PACS2: variants seen among roughly 807,000 people sequenced by gnomAD.
PACS2 encodes PACS1-like protein.
In PACS2, 36 loss-of-function variants were observed where a neutral mutation model predicts 113.0. That is an observed-to-expected ratio of 0.32 (90% CI 0.24 to 0.42). The LOEUF (loss-of-function observed/expected upper bound fraction) is 0.42, where lower values mean the gene tolerates loss of function less well. PACS2 is among the 10% of genes least tolerant of loss of function. The pLI, the probability that PACS2 is intolerant of heterozygous loss-of-function variation, is 1.00. For synonymous variants in PACS2, 589 were observed against 536.1 expected (o/e 1.10, Z -1.36); for missense variants, 1,015 against 1,239.5 (o/e 0.82, Z 2.72).
At chr14:105,394,256 T>C (rs2081469906) in intron 24 of PACS2, 1 of 985,296 alleles carries the variant, frequency 1.0e-6, no homozygotes, top group Non-Finnish European at 1.2e-6. Context: ...GAGCAGCGCC[T>C]GGCGGAAGGT....
chr14:105,313,096 G>A (rs147161847), upstream of PACS2, among the ~76,000 whole-genome samples: 437 of 152,272 alleles, frequency 2.9e-3, 3 homozygotes, highest in African/African-American at 0.01. Flanking sequence ...TGCTGTGCAC[G>A]GCTTAGTCAC....
chr14:105,334,418 C>T (rs587596815), intron 1 of PACS2, among the ~76,000 whole-genome samples: 1 of 152,338 alleles, frequency 6.6e-6, no homozygotes, highest in Non-Finnish European at 1.5e-5. Flanking sequence ...GGGCTTCACC[C>T]TCTTCCCTCT....
chr14:105,386,396 C>T (rs587593980), intron 19 of PACS2, among the ~76,000 whole-genome samples: 53 of 152,252 alleles, frequency 3.5e-4, no homozygotes, highest in African/African-American at 1.2e-3. Context: ...TGTGGCTTAC[C>T]TGGAGACGGG....
intron 4 of PACS2, among the ~76,000 whole-genome samples, chr14:105,361,763 A>G (rs2060691662): frequency 6.6e-6 from 1 of 152,114 alleles, no homozygotes; most frequent in Non-Finnish European, 1.5e-5. Context: ...CAGCCTGACC[A>G]ACATGGAGAA....
intron 1 of PACS2, among the ~76,000 whole-genome samples, chr14:105,320,958 G>C (rs2058863456): frequency 6.6e-6 from 1 of 152,138 alleles, no homozygotes; most frequent in Non-Finnish European, 1.5e-5. Context: ...TTCGAGACCA[G>C]CCTGGGCAAC....
chr14:105,337,372 A>G lies in PACS2; in HGVS notation c.120-11121A>G, dbSNP rs587668550. Among the ~76,000 whole-genome samples the G allele has an allele frequency of 4.9e-4, 74 of 152,368 alleles. 1 individual carries two copies. The highest frequency in any genetic ancestry group is 1.7e-3 in the African/African-American group (69 of 41,588). On this transcript the variant is annotated intron_variant, in intron 1 of 24. Coordinates refer to ENST00000447393, the MANE Select transcript of PACS2 (RefSeq NM_001100913.3). ...CGGGATGGATGGCGGTGAGGGCTGCACAACAGCATCCACGCACGTAGTGCC... is the reference window on the plus strand; with the variant it reads ...CGGGATGGATGGCGGTGAGGGCTGCGCAACAGCATCCACGCACGTAGTGCC...
upstream of PACS2, chr14:105,314,583 C>G (rs1402104509): frequency 1.4e-5 from 2 of 145,226 alleles, 1 homozygote; most frequent in African/African-American, 5.0e-5. Context: ...ACCTCACTTC[C>G]GGCGCGCGCT....
intron 1 of PACS2, among the ~76,000 whole-genome samples, chr14:105,332,107 C>T (rs917605072): frequency 1.3e-5 from 2 of 152,246 alleles, no homozygotes; most frequent in Non-Finnish European, 2.9e-5. Context: ...CTCCTTGGGA[C>T]TTACTGAATA....
Position 105,365,749 on chromosome 14 carries a change from T to C in PACS2, c.424-1464T>C, listed in dbSNP as rs1482399217. 1.3e-5 allele frequency among the ~76,000 whole-genome samples: 2 copies of C among 152,134 alleles called. No individual in the cohort carries two copies. The highest frequency in any genetic ancestry group is 6.5e-5 in the Admixed American group (1 of 15,278). On this transcript the variant is annotated intron_variant, in intron 4 of 24. Coordinates refer to ENST00000447393, the MANE Select transcript of PACS2 (RefSeq NM_001100913.3). The surrounding 1 kb of genome is among the most constrained non-coding windows in gnomAD (Gnocchi z 5.1). ...GGGCTCAGCATTTCTGACCGAGGGC[T>C]TCTGAGCTTCCAGGTTCTCACCCCT...
chr14:105,343,835 A>G (rs2059823433), intron 1 of PACS2, among the ~76,000 whole-genome samples: 1 of 151,840 alleles, frequency 6.6e-6, no homozygotes, highest in African/African-American at 2.4e-5. Context: ...AGCTGGGACT[A>G]CAGGCTTTTC....
At chr14:105,341,826 G>A (rs1462031695) in intron 1 of PACS2, among the ~76,000 whole-genome samples, 1 of 152,202 alleles carries the variant, frequency 6.6e-6, no homozygotes, top group Non-Finnish European at 1.5e-5. Flanking sequence ...GCCTGAGAGG[G>A]GCAGCCACGT....
rs1031552098 is a variant in PACS2 at position 105,324,169 on chromosome 14, A to G, written c.119+9132A>G. On this transcript the variant is annotated intron_variant, in intron 1 of 24. Coordinates refer to ENST00000447393, the MANE Select transcript of PACS2 (RefSeq NM_001100913.3). This position sits in a 1 kb window ranked among gnomAD's most constrained non-coding sequence, Gnocchi z 4.7. ...GCCCAGCATTCTCAGCATGCGTCTC[A>G]GGAAGGTTTGATGGAGTGGGCAGCT... 2.6e-5 allele frequency among the ~76,000 whole-genome samples: 4 copies of G among 152,158 alleles called. No homozygotes were observed. The East Asian group carries it at 7.7e-4, about 29-fold the overall frequency.
At chr14:105,341,769 C>T (rs958243085) in intron 1 of PACS2, among the ~76,000 whole-genome samples, 13 of 152,304 alleles carry the variant, frequency 8.5e-5, no homozygotes, top group Middle Eastern at 3.4e-3. Context: ...TTTTATTCTT[C>T]GTGTTTGCAC....
intron 1 of PACS2, among the ~76,000 whole-genome samples, chr14:105,344,700 A>G (rs1448559704): frequency 6.6e-6 from 1 of 152,162 alleles, no homozygotes; most frequent in Non-Finnish European, 1.5e-5. Context: ...TTCCCAAAGA[A>G]CTAGCATTTG....
In PACS2 at chr14:105,317,683, T is replaced by C. The variant is rs993796533; in HGVS notation, c.119+2646T>C. On this transcript the variant is annotated intron_variant, in intron 1 of 24. Coordinates refer to ENST00000447393, the MANE Select transcript of PACS2 (RefSeq NM_001100913.3). The surrounding 1 kb of genome is among the most constrained non-coding windows in gnomAD (Gnocchi z 4.2). ...TTAGAGATAGTCATCCTTTCTCGGC[T>C]GTGTTGAGGATGTCCCCGTCCAGTT... 3.3e-5 allele frequency among the ~76,000 whole-genome samples: 5 copies of C among 152,180 alleles called. No individual in the cohort carries two copies. Among genetic ancestry groups the C allele is most frequent in the African/African-American group, 4.8e-5 (2 of 41,446 alleles).
chr14:105,381,803 C>A, intron 12 of PACS2, 111 bp from the exon 13 acceptor site: 1 of 1,015,920 alleles, frequency 9.8e-7, no homozygotes, highest in Non-Finnish European at 1.4e-6. Flanking sequence ...CCTGTGCTCA[C>A]CCTTCCCTGT....
intron 1 of PACS2, among the ~76,000 whole-genome samples, chr14:105,305,091 CG>C (rs1374044376): frequency 6.6e-6 from 1 of 152,000 alleles, no homozygotes; most frequent in Non-Finnish European, 1.5e-5. Context: ...CCCTCATGAG[CG>C]GGATTAATGC....
chr14:105,390,753 G>T, intron 20 of PACS2: 1 of 198,044 alleles, frequency 5.0e-6, no homozygotes, highest in Non-Finnish European at 1.0e-5. Context: ...GCTTTCTCCG[G>T]TGACAAGAGT....
At position 105,376,951 on chromosome 14, in the gene PACS2, A is replaced by C; in HGVS notation, c.959+26A>C. 6.4e-7 allele frequency: 1 copy of C among 1,562,992 alleles called. No homozygotes were observed. The highest frequency in any genetic ancestry group is 8.7e-7 in the Non-Finnish European group (1 of 1,152,374). The stretch of plus-strand genomic sequence containing the variant: ...GTGAGCCCTACAGGGCGGGGCGGGG[A>C]GGAACAGCCATTTCAGATGCCCCGG... On this transcript the variant is annotated intron_variant, in intron 9 of 24. Transcript: ENST00000447393. The surrounding 1 kb of genome is among the most constrained non-coding windows in gnomAD (Gnocchi z 4.7).
Sources: allele counts gnomAD v4.1 joint callset (sites outside exome capture counted in the v4.1 genomes callset), GRCh38; gene constraint gnomAD v4.1.1; non-coding constraint Gnocchi (gnomAD v3.1); transcripts MANE v1.5; gene names NCBI Gene and HGNC (gene_info 2026-07-23, HGNC 2026-07-21).